The following WASF3 variants were observed in gnomAD, a reference collection of about 807,000 sequenced individuals.
WASF3 encodes the protein WASP family member 3.
WASF3 carries 11 observed loss-of-function variants against 46.6 expected under a neutral mutation model. That is an observed-to-expected ratio of 0.24 (90% CI 0.15 to 0.39). The LOEUF (loss-of-function observed/expected upper bound fraction) is 0.39. WASF3 is among the 10% of genes least tolerant of loss of function. The probability of loss-of-function intolerance (pLI) is 1.00; values close to 1 mark genes in which losing one functional copy is unlikely to be tolerated. For missense variants in WASF3, 576 were observed against 669.8 expected (o/e 0.86, Z 1.55); for synonymous variants, 242 against 259.7 (o/e 0.93, Z 0.65).
At chr13:26,615,094 AC>A (rs1881090463) in intron 2 of WASF3, among the ~76,000 whole-genome samples, 1 of 151,420 alleles carries the variant, frequency 6.6e-6, no homozygotes, top group Non-Finnish European at 1.5e-5. Flanking sequence ...TTTTTTAAGT[AC>A]CGTTTTGGAG....
rs1880695636 is a variant in WASF3 at position 26,603,262 on chromosome 13, A to C, written c.-108-9699A>C. 2.0e-5 allele frequency among the ~76,000 whole-genome samples: 3 copies of C among 152,150 alleles called. No individual in the cohort carries two copies. In the South Asian group the frequency reaches 6.2e-4, roughly 32 times the overall value. On this transcript the variant is annotated intron_variant, in intron 1 of 9. Coordinates refer to ENST00000335327, the MANE Select transcript of WASF3 (RefSeq NM_006646.6). ...CTTTTGTAGGGGTTGGACTGTAGTT[A>C]ATGTGAGGACAGATTAGAAAATCTG...
chr13:26,580,449 A>G lies in WASF3; in HGVS notation c.-109+22630A>G, dbSNP rs577793462. On this transcript the variant is annotated intron_variant, in intron 1 of 9. Transcript: ENST00000335327. Reference sequence around the variant, plus strand: ...TTCCATGGGCTTTGTCTAAAACTCGACAAGCATTAGATTAATATTTCTTTT... The same window carrying G: ...TTCCATGGGCTTTGTCTAAAACTCGGCAAGCATTAGATTAATATTTCTTTT... Among the ~76,000 whole-genome samples the G allele has an allele frequency of 2.0e-5, 3 of 152,162 alleles. No homozygotes were observed. In the South Asian group the frequency reaches 6.2e-4, roughly 31 times the overall value.
chr13:26,676,088 G>A lies in WASF3; in HGVS notation c.541-461G>A, dbSNP rs189389544. Among the ~76,000 whole-genome samples, 7 of 152,210 alleles carry A rather than the reference G, an allele frequency of 4.6e-5. No individual in the cohort carries two copies. In the South Asian group the frequency reaches 6.2e-4, roughly 14 times the overall value. On this transcript the variant is annotated intron_variant, in intron 6 of 9. Transcript: ENST00000335327. ...ACTATTTACAGGATTCACTTATTCC[G>A]TAATCTTTTAGAAATTGGGAACAGA...
chr13:26,547,873 A>C, the WASF3 span, among the ~76,000 whole-genome samples: 1 of 152,210 alleles, frequency 6.6e-6, no homozygotes, highest in Admixed American at 6.5e-5. Flanking sequence ...AACCAGTGAG[A>C]ACATTTTAGG....
chr13:26,608,093 T>C (rs1329209691), intron 1 of WASF3, among the ~76,000 whole-genome samples: 1 of 125,360 alleles, frequency 8.0e-6, no homozygotes, highest in African/African-American at 3.1e-5. Flanking sequence ...CTTGAATGAA[T>C]TGAAGAGTGG....
intron 3 of WASF3, among the ~76,000 whole-genome samples, chr13:26,645,473 A>C (rs1283955845): frequency 6.6e-6 from 1 of 152,172 alleles, no homozygotes. Context: ...TAGAATATCA[A>C]AGTAGATTAT....
intron 1 of WASF3, among the ~76,000 whole-genome samples, chr13:26,589,630 A>G (rs867388201): frequency 1.3e-5 from 2 of 152,172 alleles, no homozygotes; most frequent in Non-Finnish European, 1.5e-5. Context: ...ATTTTTGACT[A>G]TATCTAGTAT....
chr13:26,667,422 A>G, intron 4 of WASF3, 95 bp from the exon 5 acceptor site: 1 of 1,085,256 alleles, frequency 9.2e-7, no homozygotes, highest in Non-Finnish European at 1.3e-6. Flanking sequence ...TGGTTGTTCT[A>G]GGAGGTGTTT....
Position 26,679,522 on chromosome 13 carries a change from A to G in WASF3, c.717-1532A>G, listed in dbSNP as rs1482514873. Among the ~76,000 whole-genome samples, 1 of 152,112 alleles carries G rather than the reference A, an allele frequency of 6.6e-6. No homozygotes were observed. Among genetic ancestry groups the G allele is most frequent in the Non-Finnish European group, 1.5e-5 (1 of 68,030 alleles). ...GGGATCGCCCTCCTAGTTATGCCAC[A>G]GTATTTATAGTTTCCTACCCTCATC... On this transcript the variant is annotated intron_variant, in intron 7 of 9. Transcript: ENST00000335327. The surrounding 1 kb of genome is among the most constrained non-coding windows in gnomAD (Gnocchi z 4.8).
At chr13:26,596,383 TC>T (rs927929817) in intron 1 of WASF3, among the ~76,000 whole-genome samples, 15 of 152,238 alleles carry the variant, frequency 9.9e-5, no homozygotes, top group East Asian at 5.8e-4. Flanking sequence ...CTAGTTTTTT[TC>T]ATTAGACAAA....
chr13:26,654,197 A>G (rs1228224542), intron 3 of WASF3, among the ~76,000 whole-genome samples: 1 of 151,944 alleles, frequency 6.6e-6, no homozygotes, highest in Admixed American at 6.6e-5. Flanking sequence ...CTCTTCTTCT[A>G]CCCTTTTCCC....
At chr13:26,683,074 A>G (rs1260104783) in intron 9 of WASF3, 100 bp downstream of exon 9, 11 of 1,477,654 alleles carry the variant, frequency 7.4e-6, no homozygotes, top group African/African-American at 5.6e-5. Context: ...ACTACTCACT[A>G]CGTTTTTTAA....
At chr13:26,660,193 GGTT>G (rs1882583921) in intron 3 of WASF3, among the ~76,000 whole-genome samples, 1 of 34,734 alleles carries the variant, frequency 2.9e-5, no homozygotes, top group Non-Finnish European at 6.1e-5. Flanking sequence ...TTTTTTGTTT[GGTT>G]TTTTTTTTTT....
intron 1 of WASF3, among the ~76,000 whole-genome samples, chr13:26,605,664 CG>C (rs1339548278): frequency 3.9e-5 from 6 of 152,114 alleles, no homozygotes; most frequent in Non-Finnish European, 7.4e-5. Context: ...GGTGGCTGCC[CG>C]GGGCCAGACC....
rs933730921 is a variant in WASF3, at chr13:26,630,229, A to T, written c.-10-12032A>T. On this transcript the variant is annotated intron_variant, in intron 2 of 9. Coordinates refer to ENST00000335327, the MANE Select transcript of WASF3 (RefSeq NM_006646.6). ...CAACATGCAGGTTTGTTACATAGGT[A>T]TACATGTGCCATGTTGGTTTGCTGC... 2.6e-5 allele frequency among the ~76,000 whole-genome samples: 4 copies of T among 152,144 alleles called. No individual in the cohort carries two copies. In the East Asian group the frequency reaches 7.7e-4, roughly 29 times the overall value.
At chr13:26,558,091 CGCCTCCGG>C (rs1374511834) in intron 1 of WASF3, among the ~76,000 whole-genome samples, 2 of 151,808 alleles carry the variant, frequency 1.3e-5, no homozygotes, top group African/African-American at 4.8e-5. Context: ...TTCTCTCCCG[CGCCTCCGG>C]GCCTCCGGCC....
chr13:26,625,583 C>G (rs184393133), intron 2 of WASF3, among the ~76,000 whole-genome samples: 6 of 152,236 alleles, frequency 3.9e-5, no homozygotes, highest in Admixed American at 2.0e-4. Flanking sequence ...CTCTTTTGTT[C>G]TGTTCAGGTT....
chr13:26,680,922 T>A, intron 7 of WASF3, 132 bp from the exon 8 acceptor site: 1 of 1,152,130 alleles, frequency 8.7e-7, no homozygotes, highest in Non-Finnish European at 1.2e-6. Flanking sequence ...TATACCTAGT[T>A]GATAGTAAAG....
intron 1 of WASF3, chr13:26,606,897 A>G (rs1364301551): frequency 1.3e-5 from 2 of 152,172 alleles, no homozygotes; most frequent in African/African-American, 4.8e-5. Flanking sequence ...GTGGTCTGAA[A>G]ATATTAAGAT....
Sources: gnomAD v4.1 joint callset for allele counts (sites outside exome capture counted in the v4.1 genomes callset) on GRCh38, gnomAD v4.1.1 for gene constraint, Gnocchi (gnomAD v3.1) non-coding constraint, MANE v1.5 for transcripts, NCBI Gene and HGNC (gene_info 2026-07-23, HGNC 2026-07-21) for gene names.